The following TAFA5 variants were observed in gnomAD, a reference collection of about 807,000 sequenced individuals.
TAFA5 encodes chemokine-like protein TAFA-5.
A neutral mutation model predicts 15.3 loss-of-function variants in TAFA5; 6 were observed. That is an observed-to-expected ratio of 0.39 (90% CI 0.21 to 0.77). TAFA5 has a LOEUF of 0.77. Ranked by LOEUF, TAFA5 falls within the 30% of genes least tolerant of loss-of-function variation. The pLI, the probability that TAFA5 is intolerant of heterozygous loss-of-function variation, is 0.41. For missense variants in TAFA5, 161 were observed against 193.1 expected, an observed-to-expected ratio of 0.83 and a Z score of 0.98; for synonymous variants, 103 against 80.7, an observed-to-expected ratio of 1.28 and a Z score of -1.48.
intron 1 of TAFA5, among the ~76,000 whole-genome samples, chr22:48,563,844 C>G (rs781743975): frequency 3.9e-5 from 6 of 152,250 alleles, no homozygotes; most frequent in African/African-American, 1.4e-4. Context: ...AAGGCCACTC[C>G]CTCACTGGCC....
intron 2 of TAFA5, among the ~76,000 whole-genome samples, chr22:48,668,634 G>C (rs1927698990): frequency 1.1e-5 from 1 of 94,270 alleles, no homozygotes; most frequent in Admixed American, 1.0e-4. Context: ...TTCACTGGGA[G>C]TGTTAATCCC....
chr22:48,580,984 G>A (rs1309719079), intron 1 of TAFA5, among the ~76,000 whole-genome samples: 2 of 152,170 alleles, frequency 1.3e-5, no homozygotes, highest in Admixed American at 6.5e-5. Context: ...GCCTCTCCCT[G>A]ACCCTCCAGC....
At chr22:48,690,901 G>A (rs189522657) in intron 2 of TAFA5, among the ~76,000 whole-genome samples, 60 of 152,280 alleles carry the variant, frequency 3.9e-4, no homozygotes, top group Admixed American at 1.0e-3. Context: ...GCTGCCTGTC[G>A]TGGAGGGAGG....
intron 1 of TAFA5, among the ~76,000 whole-genome samples, chr22:48,583,005 A>ACAAAATACACCACACACCACATG (rs1924141722): frequency 1.3e-5 from 2 of 149,306 alleles, no homozygotes; most frequent in Non-Finnish European, 3.0e-5. Context: ...TAAACCACAC[A>ACAAAATACACCACACACCACATG]CAAAATACAC....
intron 2 of TAFA5, among the ~76,000 whole-genome samples, chr22:48,692,109 G>A (rs1425488645): frequency 1.3e-5 from 2 of 152,020 alleles, no homozygotes; most frequent in Non-Finnish European, 2.9e-5. Context: ...AGGAGGCTAG[G>A]GTCTTCCTGG....
In TAFA5 at chr22:48,489,728, C is replaced by G. The variant is rs771114729; in HGVS notation, c.112+24C>G. The stretch of plus-strand genomic sequence containing the variant: ...CAGTGAGTACCGCGCGGCCCCGGCC[C>G]CGGCACGGCCCTCTGGGCCCCGGAC... On this transcript the variant is annotated intron_variant, in intron 1 of 3. Coordinates refer to ENST00000402357, the MANE Select transcript of TAFA5 (RefSeq NM_001082967.3). This position sits in a 1 kb window ranked among gnomAD's most constrained non-coding sequence, Gnocchi z 5.5. 2 of 1,376,286 alleles carry G rather than the reference C, an allele frequency of 1.5e-6. No individual in the cohort carries two copies. Among genetic ancestry groups the G allele is most frequent in the African/African-American group, 1.5e-5 (1 of 66,326 alleles). The allele number at this position is 1,376,286 out of a possible 1,614,324, so 85.3% of individuals were successfully genotyped here.
intron 1 of TAFA5, among the ~76,000 whole-genome samples, chr22:48,632,551 C>T (rs893363120): frequency 7.9e-5 from 12 of 152,286 alleles, no homozygotes; most frequent in African/African-American, 2.9e-4. Flanking sequence ...TGCGGGGATA[C>T]TAGGGTGAAA....
intron 1 of TAFA5, among the ~76,000 whole-genome samples, chr22:48,518,197 C>A (rs1034346631): frequency 2.0e-5 from 3 of 152,206 alleles, no homozygotes; most frequent in Admixed American, 1.3e-4. Context: ...AGATGGTACC[C>A]GCAGGAGCCC....
chr22:48,502,520 ATTTT>A (rs71677503), intron 1 of TAFA5, among the ~76,000 whole-genome samples: 7 of 130,712 alleles, frequency 5.4e-5, no homozygotes, highest in African/African-American at 1.6e-4. Context: ...TCTCTTTGGA[ATTTT>A]TTTTTTTTTT....
At chr22:48,502,551 C>T (rs1920958627) in intron 1 of TAFA5, among the ~76,000 whole-genome samples, 2 of 147,310 alleles carry the variant, frequency 1.4e-5, no homozygotes, top group South Asian at 2.2e-4. Context: ...AGATGGAGTC[C>T]GACTCTGTCT....
At chr22:48,745,744 G>A (rs1306190951) in intron 3 of TAFA5, among the ~76,000 whole-genome samples, 1 of 152,196 alleles carries the variant, frequency 6.6e-6, no homozygotes, top group Non-Finnish European at 1.5e-5. Flanking sequence ...TACTTGGAGG[G>A]GGCCCGGGAG....
At chr22:48,701,368 G>A (rs1038715843) in intron 2 of TAFA5, among the ~76,000 whole-genome samples, 6 of 152,194 alleles carry the variant, frequency 3.9e-5, no homozygotes, top group African/African-American at 1.4e-4. Context: ...AGGCACTGGT[G>A]TGTGTCCCCA....
intron 2 of TAFA5, among the ~76,000 whole-genome samples, chr22:48,682,175 T>TCTGGGCTCCCTAGACCAGCAGC (rs1268032793): frequency 6.6e-6 from 1 of 152,146 alleles, no homozygotes; most frequent in African/African-American, 2.4e-5. Flanking sequence ...TGGCCAGCAG[T>TCTGGGCTCCCTAGACCAGCAGC]CTGGGCTCCC....
chr22:48,580,133 G>C (rs1403976939), intron 1 of TAFA5, among the ~76,000 whole-genome samples: 1 of 152,232 alleles, frequency 6.6e-6, no homozygotes, highest in Non-Finnish European at 1.5e-5. Context: ...TCTTTGAGCA[G>C]CTGCTCGGAG....
At chr22:48,612,048 C>A (rs1028929075) in intron 1 of TAFA5, among the ~76,000 whole-genome samples, 4 of 152,174 alleles carry the variant, frequency 2.6e-5, no homozygotes, top group African/African-American at 9.7e-5. Flanking sequence ...GGTCTCAGAT[C>A]CAGGGCAAGG....
chr22:48,705,397 G>T (rs1391017495), intron 2 of TAFA5, among the ~76,000 whole-genome samples: 1 of 152,184 alleles, frequency 6.6e-6, no homozygotes, highest in Non-Finnish European at 1.5e-5. Context: ...AACTGAGGAC[G>T]AGAACCCATT....
In TAFA5 at chr22:48,726,104, A is replaced by G. The variant is rs546797051; in HGVS notation, c.390+18260A>G. 2.0e-5 allele frequency among the ~76,000 whole-genome samples: 3 copies of G among 152,374 alleles called. No homozygotes were observed. The East Asian group carries it at 5.8e-4, about 29-fold the overall frequency. On this transcript the variant is annotated intron_variant, in intron 3 of 3. Transcript: ENST00000402357. Reference sequence around the variant, plus strand: ...CAAGCTGTCCCCTGAACTCAGTGAGACTTAGAACCAGGAGACAAGAGGGAG... The same window carrying G: ...CAAGCTGTCCCCTGAACTCAGTGAGGCTTAGAACCAGGAGACAAGAGGGAG...
In TAFA5 at chr22:48,596,398, A is replaced by G. The variant is rs116355895; in HGVS notation, c.113-50199A>G. Among the ~76,000 whole-genome samples the G allele has an allele frequency of 3.2e-3, 489 of 152,326 alleles. 5 individuals are homozygous for G. Among genetic ancestry groups the G allele is most frequent in the African/African-American group, 0.011 (467 of 41,558 alleles). ...CCTCCCGGTGTGGTCCTCACTGATTAACGCTCCTCAGCGCAGCACATTCTC... is the reference window on the plus strand; with the variant it reads ...CCTCCCGGTGTGGTCCTCACTGATTGACGCTCCTCAGCGCAGCACATTCTC... On this transcript the variant is annotated intron_variant, in intron 1 of 3. Transcript: ENST00000402357.
chr22:48,489,643 C>A lies in TAFA5; in HGVS notation c.51C>A (p.Pro17=). 1 of 1,529,650 alleles carries A rather than the reference C, an allele frequency of 6.5e-7. No homozygotes were observed. The allele number at this position is 1,529,650 out of a possible 1,614,324, so 94.8% of individuals were successfully genotyped here. A position where few individuals can be genotyped will look rare whatever the true frequency, so the allele number is the denominator to read the frequency against. Residue 17 remains proline (P), a synonymous_variant, in exon 1 of 4, where the codon CCC becomes CCA. Coordinates refer to ENST00000402357, the MANE Select transcript of TAFA5 (RefSeq NM_001082967.3). The surrounding 1 kb of genome is among the most constrained non-coding windows in gnomAD (Gnocchi z 5.5). Reference sequence around the variant, plus strand: ...GCCGGCAAGATGCGACCGCCCTGCCCAGCATGTCCTCAACTTTCTGGGCGT... The same window carrying A: ...GCCGGCAAGATGCGACCGCCCTGCCAAGCATGTCCTCAACTTTCTGGGCGT... ...TGSRQDATAL[P]SMSSTFWAFM...
Sources: allele counts gnomAD v4.1 joint callset (sites outside exome capture counted in the v4.1 genomes callset), GRCh38; gene constraint gnomAD v4.1.1; non-coding constraint Gnocchi (gnomAD v3.1); transcripts MANE v1.5; gene names NCBI Gene and HGNC (gene_info 2026-07-23, HGNC 2026-07-21).